Variants in SHROOM3 observed in about 807,000 individuals in gnomAD.
SHROOM3 encodes the protein protein Shroom3.
In SHROOM3, 47 loss-of-function variants were observed where a neutral mutation model predicts 138.6. That is an observed-to-expected ratio of 0.34 (90% CI 0.27 to 0.43). SHROOM3 has a LOEUF of 0.43. Ranked by LOEUF, SHROOM3 falls within the 20% of genes least tolerant of loss-of-function variation. The pLI is 1.00. For synonymous variants in SHROOM3, 1,062 were observed against 1,063.3 expected (o/e 1.00, Z 0.02); for missense variants, 2,491 against 2,596.5 (o/e 0.96, Z 0.88).
intron 1 of SHROOM3, among the ~76,000 whole-genome samples, chr4:76,483,336 G>A (rs1579185327): frequency 3.3e-5 from 5 of 152,256 alleles, no homozygotes; most frequent in Non-Finnish European, 1.5e-5. Context: ...AGTGAGCGAA[G>A]CATATGAACA....
chr4:76,735,868 A>AAATATAT (rs1553944040), intron 4 of SHROOM3, among the ~76,000 whole-genome samples: 4 of 18,814 alleles, frequency 2.1e-4, no homozygotes, highest in Admixed American at 9.2e-4. Flanking sequence ...AAAAAAAAAA[A>AAATATAT]ATATATATAT....
intron 2 of SHROOM3, among the ~76,000 whole-genome samples, chr4:76,696,091 G>A (rs1458407808): frequency 2.0e-5 from 3 of 152,154 alleles, no homozygotes; most frequent in Admixed American, 6.5e-5. Flanking sequence ...TCTCTGATGG[G>A]GAAAAAATAA....
chr4:76,456,173 A>G (rs1473996496), intron 1 of SHROOM3, among the ~76,000 whole-genome samples: 1 of 151,988 alleles, frequency 6.6e-6, no homozygotes, highest in Non-Finnish European at 1.5e-5. Flanking sequence ...CTCCTGGCTA[A>G]TTTTTGTATT....
chr4:76,580,512 G>T (rs997446706), intron 2 of SHROOM3, among the ~76,000 whole-genome samples: 1 of 148,200 alleles, frequency 6.7e-6, no homozygotes, highest in Non-Finnish European at 1.5e-5. Context: ...GAGTGTAACG[G>T]CGTGATCTTG....
chr4:76,693,637 A>G (rs1383283709), intron 2 of SHROOM3, among the ~76,000 whole-genome samples: 1 of 151,818 alleles, frequency 6.6e-6, no homozygotes, highest in Non-Finnish European at 1.5e-5. Context: ...TGCCTGCCCC[A>G]GCCTCCCAAA....
chr4:76,596,581 A>AACACAC (rs58214296), intron 2 of SHROOM3, among the ~76,000 whole-genome samples: 7,979 of 138,102 alleles, frequency 0.058, 216 homozygotes, highest in South Asian at 0.066. Context: ...GGTACAGAGA[A>AACACAC]ACACACACAC....
At chr4:76,444,491 T>C (rs1296452955) in intron 1 of SHROOM3, among the ~76,000 whole-genome samples, 2 of 123,790 alleles carry the variant, frequency 1.6e-5, no homozygotes, top group Non-Finnish European at 3.4e-5. Context: ...TTTCTTTTTT[T>C]TTTTTTTTTT....
At chr4:76,467,439 TC>T in intron 1 of SHROOM3, among the ~76,000 whole-genome samples, 1 of 152,156 alleles carries the variant, frequency 6.6e-6, no homozygotes, top group East Asian at 1.9e-4. Flanking sequence ...CCTCTGGGAT[TC>T]AAACCCAGTC....
chr4:76,766,233 A>G (rs1722152049), intron 9 of SHROOM3, among the ~76,000 whole-genome samples: 1 of 152,260 alleles, frequency 6.6e-6, no homozygotes, highest in African/African-American at 2.4e-5. Context: ...GCACAGAGAA[A>G]GAGCTGAATA....
intron 1 of SHROOM3, among the ~76,000 whole-genome samples, chr4:76,543,161 A>T (rs908190107): frequency 6.6e-6 from 1 of 152,200 alleles, no homozygotes; most frequent in Non-Finnish European, 1.5e-5. Flanking sequence ...AGGTAAACAG[A>T]TAAGTACCTT....
chr4:76,628,843 T>G (rs1735221104), intron 2 of SHROOM3: 2 of 135,912 alleles, frequency 1.5e-5, no homozygotes, highest in Non-Finnish European at 3.3e-5. Flanking sequence ...GGTGACAGGT[T>G]GAATTTTTTT....
At chr4:76,636,906 A>C (rs907087499) in intron 2 of SHROOM3, among the ~76,000 whole-genome samples, 1 of 152,232 alleles carries the variant, frequency 6.6e-6, no homozygotes, top group Non-Finnish European at 1.5e-5. Flanking sequence ...TTAAATGCAT[A>C]CATAGTTCAC....
Position 76,646,225 on chromosome 4 carries a change from A to AATAAAT in SHROOM3, c.324-63928_324-63927insAATATA, listed in dbSNP as rs61374645. Among the ~76,000 whole-genome samples the AATAAAT allele has an allele frequency of 3.1e-3, 296 of 96,234 alleles. 11 individuals carry two copies. Among genetic ancestry groups the AATAAAT allele is most frequent in the African/African-American group, 0.01 (237 of 22,696 alleles). 63.1% of individuals were successfully genotyped at this position (96,234 alleles called of 152,430 possible). A position where few individuals can be genotyped will look rare whatever the true frequency, so the allele number is the denominator to read the frequency against. On this transcript the variant is annotated intron_variant, in intron 2 of 10. Coordinates refer to ENST00000296043, the MANE Select transcript of SHROOM3 (RefSeq NM_020859.4). ...CCTAGAACTTAAAGTATAATAAATA[A>AATAAAT]ATATATATATATATATATATATAAA...
intron 2 of SHROOM3, among the ~76,000 whole-genome samples, chr4:76,569,681 A>T (rs1458365393): frequency 6.9e-6 from 1 of 145,546 alleles, no homozygotes; most frequent in African/African-American, 2.5e-5. Flanking sequence ...CTAGTTTTCC[A>T]GTTTTCTTCC....
intron 3 of SHROOM3, among the ~76,000 whole-genome samples, chr4:76,723,382 C>G (rs1192769671): frequency 6.6e-6 from 1 of 152,138 alleles, no homozygotes; most frequent in African/African-American, 2.4e-5. Flanking sequence ...ATTCATTTTT[C>G]CTTTGGAGCT....
intron 2 of SHROOM3, among the ~76,000 whole-genome samples, chr4:76,682,134 G>C (rs1357306325): frequency 6.6e-6 from 1 of 152,124 alleles, no homozygotes; most frequent in Non-Finnish European, 1.5e-5. Flanking sequence ...CTTAAGTCGG[G>C]CACATGCATT....
chr4:76,762,730 A>G (rs968452154), intron 9 of SHROOM3, among the ~76,000 whole-genome samples: 4 of 152,222 alleles, frequency 2.6e-5, no homozygotes, highest in African/African-American at 9.7e-5. Flanking sequence ...TGCCTTGGGC[A>G]TACAAACATG....
chr4:76,739,612 T>C lies in SHROOM3; in HGVS notation c.1439T>C (p.Val480Ala). ...TCCCTGGAGCCACACTTTGCCCAGG[T>C]GCCTCAGCCTTCTGTGAGTAGCAAC... The part of the protein sequence containing the change: ...VPSLEPHFAQ[V>A]PQPSVSSNGM... The change falls in exon 5 of 11, where the codon GTG becomes GCG. Residue 480 changes from valine to alanine, a missense_variant. Physicochemically the swap from Val to Ala is moderately conservative, Grantham distance 64. Transcript: ENST00000296043. 1.9e-6 allele frequency: 3 copies of C among 1,614,138 alleles called. No individual in the cohort carries two copies. Among genetic ancestry groups the C allele is most frequent in the Non-Finnish European group, 2.5e-6 (3 of 1,180,014 alleles).
rs2109802395 is a variant in SHROOM3 at position 76,781,279 on chromosome 4, CA to C, written c.*2103del. The C allele has an allele frequency of 6.6e-6, 1 of 152,138 alleles. No individual in the cohort carries two copies. The highest frequency in any genetic ancestry group is 2.4e-5 in the African/African-American group (1 of 41,496). 9.4% of individuals were successfully genotyped at this position (152,138 alleles called of 1,614,324 possible). ...AGTAGCTGGGACCACAGGTGTGCAC[CA>C]CTATGCTTGGCTAATTTTTTGATTT... On this transcript the variant is annotated 3_prime_UTR_variant, in exon 11 of 11. Coordinates refer to ENST00000296043, the MANE Select transcript of SHROOM3 (RefSeq NM_020859.4).
Sources: allele counts gnomAD v4.1 joint callset (sites outside exome capture counted in the v4.1 genomes callset), GRCh38; gene constraint gnomAD v4.1.1; transcripts MANE v1.5; gene names NCBI Gene and HGNC (gene_info 2026-07-23, HGNC 2026-07-21).